Variants in STARD13 observed in about 807,000 individuals in gnomAD.
The protein encoded by STARD13 is stAR-related lipid transfer protein 13.
A neutral mutation model predicts 106.4 loss-of-function variants in STARD13; 62 were observed. That is an observed-to-expected ratio of 0.58 (90% CI 0.48 to 0.72). STARD13 has a LOEUF of 0.72. Among genes scored for constraint, STARD13 ranks in the 30% least tolerant of loss-of-function variants. STARD13 has a pLI of 0.00. For missense variants in STARD13, 1,387 were observed against 1,424.0 expected (o/e 0.97, Z 0.42); for synonymous variants, 565 against 553.0 (o/e 1.02, Z -0.31).
the STARD13 span, among the ~76,000 whole-genome samples, chr13:33,635,924 C>T: frequency 0.035 from 5,379 of 151,774 alleles, 317 homozygotes; most frequent in African/African-American, 0.12. Flanking sequence ...GCAGAGCTTG[C>T]GGTGAGCTGA....
chr13:33,349,435 A>G (rs2078050091), intron 1 of STARD13, among the ~76,000 whole-genome samples: 1 of 152,166 alleles, frequency 6.6e-6, no homozygotes, highest in Admixed American at 6.5e-5. Flanking sequence ...AGTGTCCTAA[A>G]GCTCCCAGTG....
the STARD13 span, among the ~76,000 whole-genome samples, chr13:33,476,997 A>G: frequency 6.6e-6 from 1 of 152,204 alleles, no homozygotes; most frequent in African/African-American, 2.4e-5. Context: ...GACTACTGTA[A>G]AAGAGGTGGG....
chr13:33,306,936 T>A (rs147175939), intron 1 of STARD13, among the ~76,000 whole-genome samples: 7 of 147,662 alleles, frequency 4.7e-5, no homozygotes, highest in Admixed American at 3.4e-4. Context: ...TGCGACAGAG[T>A]GAGACTCCTT....
chr13:33,369,026 GAC>G, the STARD13 span, among the ~76,000 whole-genome samples: 1 of 152,138 alleles, frequency 6.6e-6, no homozygotes, highest in Non-Finnish European at 1.5e-5. Flanking sequence ...TTAGCAAATA[GAC>G]ACACAGGGTG....
chr13:33,408,215 G>T, the STARD13 span, among the ~76,000 whole-genome samples: 1 of 152,052 alleles, frequency 6.6e-6, no homozygotes, highest in African/African-American at 2.4e-5. Context: ...CTGTTCAGTG[G>T]TGTTAAGTAT....
At chr13:33,281,080 G>A (rs1013569567) in intron 1 of STARD13, 1 of 152,160 alleles carries the variant, frequency 6.6e-6, no homozygotes, top group Non-Finnish European at 1.5e-5. Context: ...CCTGTTCAAA[G>A]AGTTGCTGAC....
the STARD13 span, among the ~76,000 whole-genome samples, chr13:33,653,009 A>G: frequency 6.6e-6 from 1 of 152,162 alleles, no homozygotes; most frequent in African/African-American, 2.4e-5. Flanking sequence ...ATAAAACATC[A>G]CTAAAAGAGA....
chr13:33,435,745 G>C, the STARD13 span, among the ~76,000 whole-genome samples: 20 of 152,186 alleles, frequency 1.3e-4, no homozygotes, highest in East Asian at 3.1e-3. Context: ...CTTTATCTTT[G>C]TATTGCTAAT....
At chr13:33,669,933 T>C in the STARD13 span, among the ~76,000 whole-genome samples, 1 of 152,214 alleles carries the variant, frequency 6.6e-6, no homozygotes, top group Non-Finnish European at 1.5e-5. Flanking sequence ...TTCTTTACAC[T>C]TGTGCAGATT....
chr13:33,263,882 T>C (rs1566106059), intron 1 of STARD13, among the ~76,000 whole-genome samples: 3 of 152,214 alleles, frequency 2.0e-5, no homozygotes, highest in Non-Finnish European at 4.4e-5. Context: ...TCCGATTGAA[T>C]AATGGGTCTG....
chr13:33,173,351 A>C (rs935855461), intron 1 of STARD13, among the ~76,000 whole-genome samples: 4 of 152,220 alleles, frequency 2.6e-5, no homozygotes, highest in African/African-American at 9.6e-5. Context: ...GTTAAAATCA[A>C]TGCCAGGGTA....
chr13:33,406,992 C>T, the STARD13 span, among the ~76,000 whole-genome samples: 1 of 152,136 alleles, frequency 6.6e-6, no homozygotes, highest in East Asian at 1.9e-4. Flanking sequence ...ATTGACTGTA[C>T]ACAGAAATTC....
the STARD13 span, among the ~76,000 whole-genome samples, chr13:33,644,671 C>A: frequency 3.9e-5 from 6 of 152,272 alleles, no homozygotes; most frequent in South Asian, 2.1e-4. Context: ...TTCTTCCACT[C>A]CAAGCCTATA....
At chr13:33,251,219 T>G (rs150674994) in intron 1 of STARD13, among the ~76,000 whole-genome samples, 4 of 152,320 alleles carry the variant, frequency 2.6e-5, no homozygotes, top group African/African-American at 9.6e-5. Flanking sequence ...ACATCTGGTC[T>G]ACAGGAGGTA....
chr13:33,520,457 T>C, the STARD13 span, among the ~76,000 whole-genome samples: 3 of 152,130 alleles, frequency 2.0e-5, no homozygotes, highest in African/African-American at 4.8e-5. Flanking sequence ...TAGCCTAGAA[T>C]AGTTCATCCT....
At chr13:33,182,289 G>C (rs140475784) in intron 1 of STARD13, among the ~76,000 whole-genome samples, 5 of 152,314 alleles carry the variant, frequency 3.3e-5, no homozygotes, top group African/African-American at 1.2e-4. Flanking sequence ...AGCTGTATGA[G>C]ATGCATCTGG....
chr13:33,359,056 A>T, the STARD13 span, among the ~76,000 whole-genome samples: 23 of 152,296 alleles, frequency 1.5e-4, 1 homozygote, highest in Admixed American at 1.2e-3. Context: ...AATCAGCAGG[A>T]TGTGGGTGGG....
chr13:33,520,333 C>T, the STARD13 span, among the ~76,000 whole-genome samples: 3 of 152,182 alleles, frequency 2.0e-5, no homozygotes, highest in South Asian at 2.1e-4. Context: ...CATATTTTCA[C>T]CCACACAACT....
the STARD13 span, among the ~76,000 whole-genome samples, chr13:33,519,236 C>CTTTCT: frequency 6.7e-6 from 1 of 150,250 alleles, no homozygotes; most frequent in African/African-American, 2.5e-5. Flanking sequence ...TTCTTTCTTT[C>CTTTCT]TTTCTTTCTT....
Sources: allele counts gnomAD v4.1 joint callset (sites outside exome capture counted in the v4.1 genomes callset), GRCh38; gene constraint gnomAD v4.1.1; transcripts MANE v1.5; gene names NCBI Gene and HGNC (gene_info 2026-07-23, HGNC 2026-07-21).